SUPT3H: variants seen among roughly 807,000 people sequenced by gnomAD.
The protein encoded by SUPT3H is transcription initiation protein SPT3 homolog.
Under a neutral mutation model 44.3 loss-of-function variants are expected in SUPT3H, and 44 were observed. The observed-to-expected ratio is 0.99, with a 90% CI of 0.78 to 1.28. The LOEUF (loss-of-function observed/expected upper bound fraction) is 1.28, where lower values mean the gene tolerates loss of function less well. Ranked by LOEUF, SUPT3H falls within the 50% of genes most tolerant of loss-of-function variation. The pLI, the probability that SUPT3H is intolerant of heterozygous loss-of-function variation, is 0.00. For synonymous variants in SUPT3H, 124 were observed against 125.6 expected (o/e 0.99, Z 0.09); for missense variants, 380 against 387.1 (o/e 0.98, Z 0.15).
At chr6:45,323,380 G>T (rs528319373) in intron 2 of SUPT3H, among the ~76,000 whole-genome samples, 1 of 151,986 alleles carries the variant, frequency 6.6e-6, no homozygotes, top group Admixed American at 6.6e-5. Context: ...GATTTTTTTA[G>T]ATGATGCCTT....
downstream of SUPT3H, among the ~76,000 whole-genome samples, chr6:44,824,487 C>A (rs1767593666): frequency 6.6e-6 from 1 of 151,748 alleles, no homozygotes. Context: ...TAGGGAGACC[C>A]CATCTTAAAA....
intron 1 of SUPT3H, chr6:45,372,013 T>A (rs1796138559): frequency 1.1e-6 from 1 of 942,150 alleles, no homozygotes; most frequent in Non-Finnish European, 1.3e-6. Flanking sequence ...CTACTATACA[T>A]CAAAGAATAT....
chr6:44,830,965 A>C (rs569320090), intron 10 of SUPT3H, among the ~76,000 whole-genome samples: 1 of 152,140 alleles, frequency 6.6e-6, no homozygotes, highest in Admixed American at 6.5e-5. Flanking sequence ...ATCTTAAAAA[A>C]TAATTAAACC....
intron 1 of SUPT3H, among the ~76,000 whole-genome samples, chr6:45,370,165 T>C (rs532612162): frequency 1.3e-5 from 2 of 152,312 alleles, no homozygotes; most frequent in South Asian, 2.1e-4. Context: ...TAGGAAGTTA[T>C]TGAGGTTGTG....
At chr6:44,918,215 T>C (rs568202445) in intron 10 of SUPT3H, among the ~76,000 whole-genome samples, 3 of 152,208 alleles carry the variant, frequency 2.0e-5, no homozygotes, top group African/African-American at 4.8e-5. Flanking sequence ...AGAAACATCA[T>C]GAAACTCACA....
At chr6:45,204,250 A>AAGAAGAAGAAGAAGAAGAAGAAGAAG (rs1762860332) in intron 2 of SUPT3H, among the ~76,000 whole-genome samples, 17 of 143,050 alleles carry the variant, frequency 1.2e-4, no homozygotes, top group Admixed American at 4.2e-4. Context: ...CCGTCTCAAA[A>AAGAAGAAGAAGAAGAAGAAGAAGAAG]AAGAAGAAGA....
At chr6:45,123,310 T>C (rs1749676466) in intron 2 of SUPT3H, among the ~76,000 whole-genome samples, 1 of 151,960 alleles carries the variant, frequency 6.6e-6, no homozygotes, top group Admixed American at 6.6e-5. Context: ...ATTAAAATTC[T>C]ACTATGACAA....
rs549363964 is a variant in SUPT3H at position 45,271,467 on chromosome 6, C to T, written c.101+93734G>A. ...GCTGTGGCTTTAGAGGGTGGAAGCC[C>T]CAAGTCTTGGCAGCTTCCACGTGGT... On this transcript the variant is annotated intron_variant, in intron 2 of 10. Coordinates refer to ENST00000371459, the MANE Select transcript of SUPT3H (RefSeq NM_003599.4). Among the ~76,000 whole-genome samples the T allele has an allele frequency of 3.9e-5, 6 of 152,242 alleles. No homozygotes were observed. In the East Asian group the frequency reaches 1.2e-3, roughly 29 times the overall value.
chr6:45,117,854 AT>A (rs1801060688), intron 2 of SUPT3H, among the ~76,000 whole-genome samples: 4 of 152,084 alleles, frequency 2.6e-5, no homozygotes, highest in African/African-American at 9.7e-5. Context: ...ATATAAGACA[AT>A]TGTCTTATAG....
At chr6:45,280,494 C>T (rs934838608) in intron 2 of SUPT3H, among the ~76,000 whole-genome samples, 2 of 151,704 alleles carry the variant, frequency 1.3e-5, no homozygotes, top group African/African-American at 4.8e-5. Context: ...TAAAACAAAA[C>T]CAAAAAACAA....
chr6:45,309,891 G>C (rs1475123856), intron 2 of SUPT3H, among the ~76,000 whole-genome samples: 30 of 152,114 alleles, frequency 2.0e-4, no homozygotes, highest in Admixed American at 1.5e-3. Flanking sequence ...ACCAAGAATA[G>C]TGTACCAGAT....
intron 2 of SUPT3H, among the ~76,000 whole-genome samples, chr6:45,267,986 A>T (rs184940440): frequency 6.6e-6 from 1 of 152,182 alleles, no homozygotes; most frequent in East Asian, 1.9e-4. Context: ...TAGTAAAAAG[A>T]GTTATAGGTA....
chr6:45,194,290 T>C (rs562237472), intron 2 of SUPT3H, among the ~76,000 whole-genome samples: 59 of 152,208 alleles, frequency 3.9e-4, no homozygotes, highest in African/African-American at 1.3e-3. Flanking sequence ...TCATGCTATA[T>C]AGAATCTGGT....
intron 2 of SUPT3H, among the ~76,000 whole-genome samples, chr6:45,357,004 G>T (rs925557918): frequency 1.3e-5 from 2 of 151,908 alleles, no homozygotes; most frequent in African/African-American, 4.8e-5. Context: ...TAGTAATGAA[G>T]AATCCATTTT....
chr6:45,298,115 C>T (rs1781579272), intron 2 of SUPT3H, among the ~76,000 whole-genome samples: 1 of 152,102 alleles, frequency 6.6e-6, no homozygotes. Flanking sequence ...CAAGGCTACA[C>T]TGAGAAGTTT....
At chr6:45,008,746 CT>C (rs112280292) in intron 5 of SUPT3H, among the ~76,000 whole-genome samples, 120 of 145,278 alleles carry the variant, frequency 8.3e-4, no homozygotes, top group East Asian at 8.0e-4. Flanking sequence ...TGGCTAATGA[CT>C]TTTTTTTTTT....
intron 2 of SUPT3H, among the ~76,000 whole-genome samples, chr6:45,214,015 CA>C (rs11418358): frequency 6.5e-4 from 48 of 74,108 alleles, no homozygotes; most frequent in East Asian, 3.8e-3. Context: ...TTTTGAAATG[CA>C]AAAAAAAAAA....
At chr6:45,121,909 C>G (rs1207278825) in intron 2 of SUPT3H, among the ~76,000 whole-genome samples, 2 of 151,980 alleles carry the variant, frequency 1.3e-5, no homozygotes, top group Admixed American at 6.6e-5. Flanking sequence ...AACTCCTGAC[C>G]TCATGATCCA....
In SUPT3H at chr6:45,017,331, C is replaced by A. The variant is rs974814955; in HGVS notation, c.274-2440G>T. 1.3e-5 allele frequency among the ~76,000 whole-genome samples: 2 copies of A among 150,224 alleles called. 1 individual carries two copies. The highest frequency in any genetic ancestry group is 3.0e-5 in the Non-Finnish European group (2 of 67,542). On this transcript the variant is annotated intron_variant, in intron 4 of 10. Coordinates refer to ENST00000371459, the MANE Select transcript of SUPT3H (RefSeq NM_003599.4). ...TCTGATGGTAGTTTCTTTTGCTGTG[C>A]AGAAGCTCTTTAGTTTAATTAGATC...
Sources: allele counts gnomAD v4.1 joint callset (sites outside exome capture counted in the v4.1 genomes callset), GRCh38; gene constraint gnomAD v4.1.1; transcripts MANE v1.5; gene names NCBI Gene and HGNC (gene_info 2026-07-23, HGNC 2026-07-21).